RFTN1: variants seen among roughly 807,000 people sequenced by gnomAD.
RFTN1 encodes raftlin, lipid raft linker 1.
RFTN1 carries 26 observed loss-of-function variants against 46.5 expected under a neutral mutation model. The ratio of observed to expected loss-of-function variants is 0.56; its 90% CI spans 0.41 to 0.78. RFTN1 has a LOEUF of 0.78. Among genes scored for constraint, RFTN1 ranks in the 30% least tolerant of loss-of-function variants. The pLI is 0.00. For missense variants in RFTN1, 693 were observed against 718.7 expected, an observed-to-expected ratio of 0.96 and a Z score of 0.41; for synonymous variants, 261 against 284.2, an observed-to-expected ratio of 0.92 and a Z score of 0.82.
rs769059386 is a variant in RFTN1 at position 16,474,295 on chromosome 3, T to G, written c.145+19430A>C. ...GAGGTCACAGAGCAAATGAGAGAGA[T>G]GGGTCTCCCAGCAAATCTGCAGGCC... On this transcript the variant is annotated intron_variant, in intron 2 of 9. Transcript: ENST00000334133. This position sits in a 1 kb window ranked among gnomAD's most constrained non-coding sequence, Gnocchi z 5.5. Among the ~76,000 whole-genome samples, 3 of 152,186 alleles carry G rather than the reference T, an allele frequency of 2.0e-5. No homozygotes were observed. Among genetic ancestry groups the G allele is most frequent in the Non-Finnish European group, 4.4e-5 (3 of 68,030 alleles).
intron 2 of RFTN1, 59 bp downstream of exon 2, chr3:16,493,666 C>T: frequency 2.1e-6 from 3 of 1,430,686 alleles, no homozygotes; most frequent in Non-Finnish European, 2.8e-6. Flanking sequence ...CCCCCATCCC[C>T]TGCAGGCCCC....
At chr3:16,490,784 T>C (rs1440783555) in intron 2 of RFTN1, among the ~76,000 whole-genome samples, 1 of 152,212 alleles carries the variant, frequency 6.6e-6, no homozygotes, top group African/African-American at 2.4e-5. Context: ...TAAATTATGG[T>C]ACACTGAGTG....
Position 16,377,792 on chromosome 3 carries a change from G to A in RFTN1, c.752C>T (p.Pro251Leu). ...SGEGDGGELS[P>L]QGVSKTLDGP... ...ATCCAGTGTCTTGCTCACCCCCTGT[G>A]GTGAAAGTTCTCCACCATCTCCCTC... Residue 251 changes from proline (P) to leucine (L), a missense_variant, in exon 5 of 10, where the codon CCA (proline) becomes CTA (leucine). Pro to Leu is a moderately conservative substitution (Grantham distance 98, BLOSUM62 -3). Transcript: ENST00000334133. 1 of 1,614,150 alleles carries A rather than the reference G, an allele frequency of 6.2e-7. No individual in the cohort carries two copies. Among genetic ancestry groups the A allele is most frequent in the Non-Finnish European group, 8.5e-7 (1 of 1,180,010 alleles).
rs1418652828 is a variant in RFTN1, at chr3:16,329,764, C to CT, written c.1147-2889dup. 6.6e-6 allele frequency among the ~76,000 whole-genome samples: 1 copy of CT among 152,140 alleles called. No homozygotes were observed. Among genetic ancestry groups the CT allele is most frequent in the Non-Finnish European group, 1.5e-5 (1 of 68,016 alleles). ...GGGCCTATCAAGAATAACCTTCCCA[C>CT]TTTATCAAGCACTGTGACAAACCCG... On this transcript the variant is annotated intron_variant, in intron 7 of 9. Transcript: ENST00000334133. The surrounding 1 kb of genome is among the most constrained non-coding windows in gnomAD (Gnocchi z 4.5).
At chr3:16,478,735 G>C (rs1222136360) in intron 2 of RFTN1, among the ~76,000 whole-genome samples, 2 of 152,148 alleles carry the variant, frequency 1.3e-5, no homozygotes, top group East Asian at 1.9e-4. Flanking sequence ...TGTTGAGCAA[G>C]ATTCAGATTC....
Position 16,459,088 on chromosome 3 carries a change from T to C in RFTN1, c.146-25051A>G, listed in dbSNP as rs1318975998. Among the ~76,000 whole-genome samples the C allele has an allele frequency of 2.0e-5, 3 of 152,080 alleles. No individual in the cohort carries two copies. The highest frequency in any genetic ancestry group is 7.2e-5 in the African/African-American group (3 of 41,416). On this transcript the variant is annotated intron_variant, in intron 2 of 9. Transcript: ENST00000334133. The surrounding 1 kb of genome is among the most constrained non-coding windows in gnomAD (Gnocchi z 4.2). ...TAGCTGGGACCACAGGTGTGCACCA[T>C]GCCCAGCTAATTTTTTGTATTTTTT...
intron 9 of RFTN1, among the ~76,000 whole-genome samples, chr3:16,318,832 C>T (rs1022410218): frequency 1.3e-5 from 2 of 152,230 alleles, no homozygotes; most frequent in Non-Finnish European, 2.9e-5. Context: ...AGCTGACAGA[C>T]TTCCCTTAGG....
rs1307740945 is a variant in RFTN1 at position 16,459,204 on chromosome 3, T to G, written c.146-25167A>C. On this transcript the variant is annotated intron_variant, in intron 2 of 9. Transcript: ENST00000334133. This position sits in a 1 kb window ranked among gnomAD's most constrained non-coding sequence, Gnocchi z 4.2. ...CCTTAGCCTCCCAAAGTGCTGGAAT[T>G]ACAGGTATGAGCCACTGTGCCTGGC... Among the ~76,000 whole-genome samples the G allele has an allele frequency of 3.9e-5, 6 of 152,208 alleles. No individual in the cohort carries two copies. The highest frequency in any genetic ancestry group is 8.8e-5 in the Non-Finnish European group (6 of 68,024).
intron 8 of RFTN1, among the ~76,000 whole-genome samples, chr3:16,324,600 C>A (rs2069469326): frequency 2.2e-5 from 3 of 137,544 alleles, no homozygotes; most frequent in East Asian, 2.1e-4. Context: ...TAATAAATAA[C>A]AGAATGTCCC....
In RFTN1 at chr3:16,418,409, C is replaced by T. The variant is rs2075124077; in HGVS notation, c.333-8926G>A. ...CAAAGACCATGAGTTTAAACGATGTCTTCTTTTTCCCAGGACAACAGGCAG... is the reference window on the plus strand; with the variant it reads ...CAAAGACCATGAGTTTAAACGATGTTTTCTTTTTCCCAGGACAACAGGCAG... On this transcript the variant is annotated intron_variant, in intron 3 of 9. Transcript: ENST00000334133. The surrounding 1 kb of genome is among the most constrained non-coding windows in gnomAD (Gnocchi z 5.0). 6.6e-6 allele frequency among the ~76,000 whole-genome samples: 1 copy of T among 152,126 alleles called. No homozygotes were observed. Among genetic ancestry groups the T allele is most frequent in the South Asian group, 2.1e-4 (1 of 4,826 alleles).
In RFTN1 at chr3:16,404,280, G is replaced by T. The variant is rs867847826; in HGVS notation, c.441+5095C>A. On this transcript the variant is annotated intron_variant, in intron 4 of 9. Coordinates refer to ENST00000334133, the MANE Select transcript of RFTN1 (RefSeq NM_015150.2). ...ATATAATATATAATATATATAATAT[G>T]TAATATATAATATATATAATATGTA... 1.6e-3 allele frequency among the ~76,000 whole-genome samples: 8 copies of T among 5,144 alleles called. 1 individual carries two copies. Among genetic ancestry groups the T allele is most frequent in the African/African-American group, 2.0e-3 (2 of 1,002 alleles). The allele number at this position is 5,144 out of a possible 152,430, so 3.4% of individuals were successfully genotyped here.
At chr3:16,464,533 A>T (rs2076058736) in intron 2 of RFTN1, among the ~76,000 whole-genome samples, 1 of 152,218 alleles carries the variant, frequency 6.6e-6, no homozygotes, top group Admixed American at 6.5e-5. Flanking sequence ...TATTTTTCAA[A>T]GTGTTTTCAT....
rs542224220 is a variant in RFTN1 at position 16,334,158 on chromosome 3, C to G, written c.1147-7282G>C. ...CCAGCCTGGGCGACAGAGCAAGACT[C>G]TGTCTCAAAACAAAAACAAAAACAA... On this transcript the variant is annotated intron_variant, in intron 7 of 9. Coordinates refer to ENST00000334133, the MANE Select transcript of RFTN1 (RefSeq NM_015150.2). This position sits in a 1 kb window ranked among gnomAD's most constrained non-coding sequence, Gnocchi z 4.3. Among the ~76,000 whole-genome samples the G allele has an allele frequency of 1.3e-5, 2 of 152,274 alleles. No individual in the cohort carries two copies. The highest frequency in any genetic ancestry group is 4.1e-4 in the South Asian group (2 of 4,828).
intron 3 of RFTN1, among the ~76,000 whole-genome samples, chr3:16,417,743 C>A (rs935123388): frequency 6.6e-6 from 1 of 152,200 alleles, no homozygotes; most frequent in Non-Finnish European, 1.5e-5. Flanking sequence ...CTTTCTGAAA[C>A]CAAAGCACAT....
intron 2 of RFTN1, among the ~76,000 whole-genome samples, chr3:16,476,825 T>C (rs533208037): frequency 2.0e-5 from 3 of 152,352 alleles, no homozygotes; most frequent in African/African-American, 7.2e-5. Flanking sequence ...GTCCTCACTC[T>C]GGCATGTGGT....
At chr3:16,404,781 A>G (rs896469011) in intron 4 of RFTN1, among the ~76,000 whole-genome samples, 1 of 151,942 alleles carries the variant, frequency 6.6e-6, no homozygotes, top group Admixed American at 6.6e-5. Flanking sequence ...CCACCTAGCC[A>G]AAGAACCTTC....
intron 7 of RFTN1, among the ~76,000 whole-genome samples, chr3:16,355,300 A>G (rs1420521935): frequency 6.6e-6 from 1 of 152,224 alleles, no homozygotes; most frequent in African/African-American, 2.4e-5. Context: ...GTCCATTCCT[A>G]CTCCTATAAC....
intron 7 of RFTN1, among the ~76,000 whole-genome samples, chr3:16,354,712 G>C (rs1457495190): frequency 6.6e-6 from 1 of 152,224 alleles, no homozygotes; most frequent in Non-Finnish European, 1.5e-5. Flanking sequence ...AACGAAGCCA[G>C]GCTGAGAATT....
chr3:16,343,552 C>G (rs2071449337), intron 7 of RFTN1, among the ~76,000 whole-genome samples: 2 of 152,216 alleles, frequency 1.3e-5, no homozygotes, highest in South Asian at 4.1e-4. Flanking sequence ...TGTTTCTCAT[C>G]AAATATGGTG....
Sources: gnomAD v4.1 joint callset for allele counts (sites outside exome capture counted in the v4.1 genomes callset) on GRCh38, gnomAD v4.1.1 for gene constraint, Gnocchi (gnomAD v3.1) non-coding constraint, MANE v1.5 for transcripts, NCBI Gene and HGNC (gene_info 2026-07-23, HGNC 2026-07-21) for gene names.